The following CFAP54 variants were observed in gnomAD, a reference collection of about 807,000 sequenced individuals.
CFAP54 encodes cilia- and flagella-associated protein 54.
A neutral mutation model predicts 370.4 loss-of-function variants in CFAP54; 290 were observed. The observed-to-expected ratio is 0.78, with a 90% CI of 0.71 to 0.86. The LOEUF (loss-of-function observed/expected upper bound fraction) is 0.86, where lower values mean the gene tolerates loss of function less well. Among genes scored for constraint, CFAP54 ranks in the 40% least tolerant of loss-of-function variants. The pLI, the probability that CFAP54 is intolerant of heterozygous loss-of-function variation, is 0.00. For missense variants in CFAP54, 3,399 were observed against 3,528.7 expected (o/e 0.96, Z 0.93); for synonymous variants, 1,206 against 1,236.5 (o/e 0.98, Z 0.52).
Position 96,554,683 on chromosome 12 carries a change from AC to A in CFAP54, c.2293del (p.His765IlefsTer2). The A allele has an allele frequency of 1.3e-6, 2 of 1,532,864 alleles. No homozygotes were observed. The highest frequency in any genetic ancestry group is 1.7e-6 in the Non-Finnish European group (2 of 1,145,030). The allele number at this position is 1,532,864 out of a possible 1,614,324, so 95.0% of individuals were successfully genotyped here. On this transcript the variant is annotated frameshift_variant, in exon 17 of 68. Coordinates refer to ENST00000524981, the MANE Select transcript of CFAP54 (RefSeq NM_001306084.2). LOFTEE classifies it high-confidence loss of function. ...AACTCTGTTGGACCAAAGCGTACCC[AC>A]CATATAGATGGAGATACTTACAAAC... is the stretch of plus-strand genomic sequence containing the variant. ...VIDHCYAKRT[H>X]HIDGDTYKPL...
chr12:96,738,733 C>T (rs1375478768), intron 50 of CFAP54, among the ~76,000 whole-genome samples: 2 of 151,716 alleles, frequency 1.3e-5, no homozygotes, highest in African/African-American at 4.8e-5. Flanking sequence ...GCCTCAGCCT[C>T]CCAAGTAGCT....
intron 40 of CFAP54, chr12:96,682,398 C>T: frequency 1.3e-6 from 1 of 777,536 alleles, no homozygotes; most frequent in Non-Finnish European, 1.6e-6. Flanking sequence ...GACGAGGTCT[C>T]ATTTTGTCAT....
At chr12:96,545,772 ACATC>A (rs1157295284) in intron 14 of CFAP54, among the ~76,000 whole-genome samples, 1 of 152,192 alleles carries the variant, frequency 6.6e-6, no homozygotes, top group African/African-American at 2.4e-5. Context: ...GCACAGCTGT[ACATC>A]CATCCAGTCA....
chr12:96,587,559 C>G (rs1459495214), intron 22 of CFAP54, among the ~76,000 whole-genome samples: 1 of 152,170 alleles, frequency 6.6e-6, no homozygotes, highest in Non-Finnish European at 1.5e-5. Context: ...TATATCATGG[C>G]ACTCCTCTGT....
intron 15 of CFAP54, 38 bp downstream of exon 15, chr12:96,548,016 C>T: frequency 1.1e-6 from 1 of 878,504 alleles, no homozygotes; most frequent in Non-Finnish European, 1.7e-6. Context: ...GTGAAACATG[C>T]AATTTTATTT....
At chr12:96,639,837 T>A (rs1219242322) in intron 32 of CFAP54, among the ~76,000 whole-genome samples, 1 of 152,234 alleles carries the variant, frequency 6.6e-6, no homozygotes, top group Non-Finnish European at 1.5e-5. Flanking sequence ...ACCACATGAT[T>A]ATCTCAATAG....
intron 50 of CFAP54, among the ~76,000 whole-genome samples, chr12:96,736,440 G>C (rs897369954): frequency 1.1e-4 from 17 of 152,130 alleles, no homozygotes; most frequent in Admixed American, 1.1e-3. Flanking sequence ...AAGCACCATG[G>C]CCAAGGAGGC....
At chr12:96,498,957 T>A (rs892260347) in intron 1 of CFAP54, among the ~76,000 whole-genome samples, 2 of 152,280 alleles carry the variant, frequency 1.3e-5, no homozygotes, top group Middle Eastern at 3.4e-3. Context: ...TTTTACTTTT[T>A]TAAATATTTT....
chr12:96,668,203 G>T (rs557151001), intron 39 of CFAP54, among the ~76,000 whole-genome samples: 4 of 151,876 alleles, frequency 2.6e-5, no homozygotes, highest in African/African-American at 9.7e-5. Flanking sequence ...GTCTTCTTCC[G>T]AGCCCTCCAA....
intron 63 of CFAP54, among the ~76,000 whole-genome samples, chr12:96,806,022 A>G (rs1958873548): frequency 6.6e-6 from 1 of 150,908 alleles, no homozygotes; most frequent in Non-Finnish European, 1.5e-5. Flanking sequence ...GGACATGCAC[A>G]GTGGAATAAT....
rs534360746 is a variant in CFAP54, at chr12:96,872,842, C to A, written c.*15-2276C>A. Among the ~76,000 whole-genome samples the A allele has an allele frequency of 3.9e-5, 6 of 152,278 alleles. No individual in the cohort carries two copies. In the South Asian group the frequency reaches 1.0e-3, roughly 26 times the overall value. ...CCAGTTTTTCCAGAACTGAGATTGA[C>A]TTTCAGTGCAAAATCTGGGACTATC... On this transcript the variant is annotated intron_variant, in intron 67 of 67. Transcript: ENST00000524981.
chr12:96,807,918 A>T (rs922440547), intron 63 of CFAP54, among the ~76,000 whole-genome samples: 5 of 152,178 alleles, frequency 3.3e-5, no homozygotes, highest in Admixed American at 6.5e-5. Context: ...AATAGGGATT[A>T]CACATCTCCA....
At chr12:96,532,903 A>G (rs1211727331) in intron 9 of CFAP54, among the ~76,000 whole-genome samples, 2 of 152,054 alleles carry the variant, frequency 1.3e-5, no homozygotes, top group Admixed American at 6.6e-5. Flanking sequence ...TTACAAACAT[A>G]AGCCACTGTG....
chr12:96,599,638 G>A (rs562985947), intron 26 of CFAP54, among the ~76,000 whole-genome samples: 37 of 151,998 alleles, frequency 2.4e-4, no homozygotes, highest in Admixed American at 6.6e-5. Context: ...GTGTAAAAAC[G>A]TTGTATTTCT....
At chr12:96,766,567 A>C (rs1289137362) in intron 60 of CFAP54, among the ~76,000 whole-genome samples, 1 of 152,140 alleles carries the variant, frequency 6.6e-6, no homozygotes, top group Non-Finnish European at 1.5e-5. Context: ...ATTAATAATC[A>C]AGAGATTCAG....
chr12:96,851,713 G>A (rs1959551270), intron 66 of CFAP54, among the ~76,000 whole-genome samples: 2 of 151,936 alleles, frequency 1.3e-5, no homozygotes, highest in South Asian at 4.2e-4. Flanking sequence ...AACAAAAATA[G>A]TACAGGATAT....
intron 67 of CFAP54, among the ~76,000 whole-genome samples, chr12:96,874,819 C>T (rs1960264568): frequency 6.6e-6 from 1 of 151,252 alleles, no homozygotes; most frequent in Non-Finnish European, 1.5e-5. Flanking sequence ...TTAGTAGAGA[C>T]GGGGTTTCAC....
chr12:96,591,751 C>T (rs539095925), intron 23 of CFAP54, among the ~76,000 whole-genome samples: 1 of 151,340 alleles, frequency 6.6e-6, no homozygotes, highest in Admixed American at 6.6e-5. Flanking sequence ...ATTAGCCGGG[C>T]ATGGTGGCGC....
chr12:96,768,002 C>T (rs918315652), intron 60 of CFAP54, among the ~76,000 whole-genome samples: 10 of 152,046 alleles, frequency 6.6e-5, no homozygotes, highest in African/African-American at 1.7e-4. Flanking sequence ...GCAATCAGAA[C>T]AGGCATATAC....
Sources: allele counts gnomAD v4.1 joint callset (sites outside exome capture counted in the v4.1 genomes callset), GRCh38; gene constraint gnomAD v4.1.1; transcripts MANE v1.5; gene names NCBI Gene and HGNC (gene_info 2026-07-23, HGNC 2026-07-21).